Variants in OTOG observed in about 807,000 individuals in gnomAD.
OTOG encodes the protein otogelin.
A neutral mutation model predicts 313.8 loss-of-function variants in OTOG; 296 were observed. The ratio of observed to expected loss-of-function variants is 0.94; its 90% CI spans 0.86 to 1.04. The LOEUF is 1.04. OTOG is among the 50% of genes least tolerant of loss of function. OTOG has a pLI of 0.00. For synonymous variants in OTOG, 1,533 were observed against 1,554.9 expected (o/e 0.99, Z 0.33); for missense variants, 3,948 against 3,840.1 (o/e 1.03, Z -0.74).
At position 17,573,125 on chromosome 11, in the gene OTOG, G is replaced by A; in HGVS notation, c.2128G>A (p.Ala710Thr). 6.5e-7 allele frequency: 1 copy of A among 1,547,590 alleles called. No homozygotes were observed. Among genetic ancestry groups the A allele is most frequent in the Non-Finnish European group, 8.7e-7 (1 of 1,146,942 alleles). ...CAGCGTGCTCACGGGGGAGATGTTT[G>A]CGCCCTGCTCTGCGTTCCTGAGCCC... is the stretch of plus-strand genomic sequence containing the variant. ...ACSVLTGEMF[A>T]PCSAFLSPVP... Residue 710 changes from alanine to threonine, a missense_variant, in exon 19 of 56, where the codon GCG becomes ACG. Ala to Thr is a moderately conservative substitution (Grantham distance 58). Transcript: ENST00000399397.
chr11:17,551,883 G>C (rs1326396968), intron 3 of OTOG, 117 bp from the exon 4 acceptor site: 3 of 868,958 alleles, frequency 3.5e-6, no homozygotes, highest in Admixed American at 2.1e-5. Flanking sequence ...GCACTGAGGG[G>C]CAGGGGCTCC....
chr11:17,553,224 T>TCCACC lies in OTOG; in HGVS notation c.385+21_385+25dup, dbSNP rs1452370189. 2 of 1,549,156 alleles carry TCCACC rather than the reference T, an allele frequency of 1.3e-6. No individual in the cohort carries two copies. The highest frequency in any genetic ancestry group is 2.0e-5 in the Admixed American group (1 of 50,938). ...CGCTGCCAGATGGGTGGGTCTGGGC[T>TCCACC]CCACCCCACCCCCAGGAAGGGACCT... is the stretch of plus-strand genomic sequence containing the variant. On this transcript the variant is annotated intron_variant, in intron 5 of 55. Coordinates refer to ENST00000399397, the MANE Select transcript of OTOG (RefSeq NM_001292063.2).
In OTOG at chr11:17,641,014, A is replaced by T; in HGVS notation, c.8113A>T (p.Thr2705Ser). 6.6e-7 allele frequency: 1 copy of T among 1,518,726 alleles called. No homozygotes were observed. The highest frequency in any genetic ancestry group is 8.8e-7 in the Non-Finnish European group (1 of 1,130,410). 94.1% of individuals were successfully genotyped at this position (1,518,726 alleles called of 1,614,324 possible). Residue 2705 changes from threonine to serine, a missense_variant, in exon 51 of 56, where the codon ACC becomes TCC. Coordinates refer to ENST00000399397, the MANE Select transcript of OTOG (RefSeq NM_001292063.2). ...ADGVCHTSRCTTVLDPLTNFY... is the reference protein window; with the variant it reads ...ADGVCHTSRCSTVLDPLTNFY... ...TGGCGTGTGCCACACCTCCCGCTGCACCACCGTGCTCGACCCTCTCACCAA... is the reference window on the plus strand; with the variant it reads ...TGGCGTGTGCCACACCTCCCGCTGCTCCACCGTGCTCGACCCTCTCACCAA...
chr11:17,581,195 C>T (rs913574341), intron 23 of OTOG, among the ~76,000 whole-genome samples: 7 of 152,068 alleles, frequency 4.6e-5, no homozygotes, highest in African/African-American at 1.2e-4. Flanking sequence ...AAGGGGGCGT[C>T]GGGGGAGGGA....
intron 54 of OTOG, among the ~76,000 whole-genome samples, chr11:17,644,514 A>G (rs1848035294): frequency 6.6e-6 from 1 of 152,220 alleles, no homozygotes; most frequent in South Asian, 2.1e-4. Flanking sequence ...TGTTCTAGGC[A>G]CTGTAGAGCC....
chr11:17,550,495 C>T (rs1311737548), intron 3 of OTOG, among the ~76,000 whole-genome samples: 2 of 152,174 alleles, frequency 1.3e-5, no homozygotes, highest in Non-Finnish European at 2.9e-5. Context: ...GATTGATTAG[C>T]CCCTGAAGAC....
intron 9 of OTOG, 61 bp downstream of exon 9, chr11:17,558,376 A>G: frequency 1.9e-6 from 3 of 1,540,460 alleles, no homozygotes; most frequent in Non-Finnish European, 2.6e-6. Flanking sequence ...CAACTCTTCG[A>G]AAGCCACTGG....
chr11:17,610,871 C>A lies in OTOG; in HGVS notation c.5571C>A (p.Thr1857=). Residue 1857 remains threonine, a synonymous_variant, in exon 36 of 56, where the codon ACC becomes ACA. Transcript: ENST00000399397. The part of the protein sequence containing the change: ...PVLPFTPAAM[T]QAHPPTHIAP... ...TGCCTTTCACTCCAGCAGCAATGAC[C>A]CAGGCGCACCCACCCACTCACATAG... 2.6e-6 allele frequency: 4 copies of A among 1,550,840 alleles called. No homozygotes were observed. The highest frequency in any genetic ancestry group is 3.5e-6 in the Non-Finnish European group (4 of 1,146,998).
chr11:17,548,418 CTTTTTT>C (rs56402246), intron 3 of OTOG, among the ~76,000 whole-genome samples: 215 of 87,384 alleles, frequency 2.5e-3, no homozygotes, highest in Middle Eastern at 6.8e-3. Context: ...ATAGTCCACT[CTTTTTT>C]TTTTTTTTTT....
At chr11:17,587,459 G>A (rs1304316690) in intron 24 of OTOG, among the ~76,000 whole-genome samples, 4 of 152,160 alleles carry the variant, frequency 2.6e-5, no homozygotes, top group Non-Finnish European at 4.4e-5. Context: ...AGGTGAGCAG[G>A]AAGCCCCTGG....
intron 54 of OTOG, among the ~76,000 whole-genome samples, chr11:17,644,471 A>T (rs769970559): frequency 7.2e-5 from 11 of 152,198 alleles, no homozygotes; most frequent in Non-Finnish European, 1.6e-4. Flanking sequence ...TACCTGGCAA[A>T]TATTTGTGGA....
At chr11:17,582,187 T>C (rs1326326359) in intron 23 of OTOG, among the ~76,000 whole-genome samples, 1 of 152,214 alleles carries the variant, frequency 6.6e-6, no homozygotes, top group East Asian at 1.9e-4. Flanking sequence ...GTTTCCCTCA[T>C]ACTCCGTTGT....
intron 54 of OTOG, among the ~76,000 whole-genome samples, chr11:17,644,483 C>A (rs773475023): frequency 6.6e-6 from 1 of 152,174 alleles, no homozygotes; most frequent in Non-Finnish European, 1.5e-5. Flanking sequence ...ATTTGTGGAG[C>A]GCCAACTATG....
chr11:17,555,918 A>G, intron 7 of OTOG, 21 bp downstream of exon 7: 4 of 1,522,612 alleles, frequency 2.6e-6, no homozygotes, highest in Middle Eastern at 1.7e-4. Flanking sequence ...CACCTTCCAC[A>G]TCGAGCTGTC....
intron 39 of OTOG, among the ~76,000 whole-genome samples, chr11:17,614,155 C>G (rs1853667211): frequency 1.3e-5 from 2 of 152,160 alleles, no homozygotes; most frequent in Admixed American, 1.3e-4. Flanking sequence ...CAGCCCACCC[C>G]CATATGGGCA....
chr11:17,562,186 C>T (rs1406597500), intron 15 of OTOG, among the ~76,000 whole-genome samples: 1 of 141,038 alleles, frequency 7.1e-6, no homozygotes, highest in Non-Finnish European at 1.5e-5. Context: ...TGCAGTGAGC[C>T]GAGATCGTGC....
At chr11:17,631,526 C>T (rs1854125763) in intron 40 of OTOG, among the ~76,000 whole-genome samples, 176 bp from the exon 41 acceptor site, 2 of 152,140 alleles carry the variant, frequency 1.3e-5, no homozygotes, top group South Asian at 4.1e-4. Context: ...AGTACAAAGA[C>T]ATTTTCTTTT....
intron 48 of OTOG, chr11:17,638,816 G>A (rs979887292): frequency 1.1e-5 from 16 of 1,436,216 alleles, no homozygotes; most frequent in Middle Eastern, 1.8e-4. Flanking sequence ...TCCTTACTGC[G>A]GCCGGGCACG....
intron 21 of OTOG, 51 bp from the exon 22 acceptor site, chr11:17,576,817 G>C (rs1027827822): frequency 6.5e-7 from 1 of 1,545,622 alleles, no homozygotes; most frequent in Non-Finnish European, 8.7e-7. Flanking sequence ...GGGGTGTCTG[G>C]GTCCTGCAGT....
Sources: allele counts gnomAD v4.1 joint callset (sites outside exome capture counted in the v4.1 genomes callset), GRCh38; gene constraint gnomAD v4.1.1; transcripts MANE v1.5; gene names NCBI Gene and HGNC (gene_info 2026-07-23, HGNC 2026-07-21).